The following ADGRL3 variants were observed in gnomAD, a reference collection of about 807,000 sequenced individuals.
ADGRL3 encodes adhesion G protein-coupled receptor L3.
Under a neutral mutation model 153.5 loss-of-function variants are expected in ADGRL3, and 62 were observed. That is an observed-to-expected ratio of 0.40 (90% confidence interval 0.33 to 0.50). The LOEUF (loss-of-function observed/expected upper bound fraction) is 0.50, where lower values mean the gene tolerates loss of function less well. ADGRL3 is among the 20% of genes least tolerant of loss of function. The pLI, the probability that ADGRL3 is intolerant of heterozygous loss-of-function variation, is 0.47. For missense variants in ADGRL3, 1,641 were observed against 1,859.4 expected (o/e 0.88, Z 2.16); for synonymous variants, 710 against 672.5 (o/e 1.06, Z -0.86).
At chr4:61,721,368 C>T (rs1358327791) in intron 6 of ADGRL3, among the ~76,000 whole-genome samples, 5 of 152,102 alleles carry the variant, frequency 3.3e-5, no homozygotes, top group Non-Finnish European at 7.4e-5. Context: ...GATGTAAGCC[C>T]AAGGGTCCAA....
chr4:61,865,182 AG>A (rs1318113611), intron 9 of ADGRL3, among the ~76,000 whole-genome samples: 1 of 152,216 alleles, frequency 6.6e-6, no homozygotes, highest in Non-Finnish European at 1.5e-5. Context: ...TGTGGACAAA[AG>A]AATTCTCTAA....
intron 17 of ADGRL3, among the ~76,000 whole-genome samples, chr4:61,955,202 T>C (rs746993359): frequency 8.5e-5 from 13 of 152,192 alleles, no homozygotes; most frequent in Non-Finnish European, 8.8e-5. Context: ...GAGGTCTGAA[T>C]AAGAAAATAC....
intron 5 of ADGRL3, among the ~76,000 whole-genome samples, chr4:61,596,677 A>T (rs771952917): frequency 1.3e-5 from 2 of 151,996 alleles, no homozygotes; most frequent in Non-Finnish European, 2.9e-5. Flanking sequence ...ACATGGTGAG[A>T]CCTCGTCTCT....
chr4:61,608,600 G>A (rs766297782), intron 5 of ADGRL3, among the ~76,000 whole-genome samples: 2 of 152,040 alleles, frequency 1.3e-5, no homozygotes, highest in Non-Finnish European at 2.9e-5. Context: ...TGACCTTTCT[G>A]CATATTTTAC....
chr4:61,676,351 C>T (rs1424134924), intron 5 of ADGRL3, among the ~76,000 whole-genome samples: 2 of 151,824 alleles, frequency 1.3e-5, no homozygotes, highest in African/African-American at 2.4e-5. Flanking sequence ...TTGTTAGGCT[C>T]AGATAAAGCT....
chr4:62,045,777 G>A (rs1317493367), intron 25 of ADGRL3, among the ~76,000 whole-genome samples: 1 of 151,928 alleles, frequency 6.6e-6, no homozygotes, highest in Non-Finnish European at 1.5e-5. Context: ...GTCTTGATTA[G>A]TAAGAATAGT....
At chr4:61,247,361 T>C (rs1177200599) in intron 1 of ADGRL3, among the ~76,000 whole-genome samples, 1 of 152,102 alleles carries the variant, frequency 6.6e-6, no homozygotes, top group Non-Finnish European at 1.5e-5. Context: ...ATATATGTGA[T>C]AATTCTTGTA....
chr4:61,986,980 G>A (rs1010520946), intron 19 of ADGRL3, among the ~76,000 whole-genome samples: 1 of 151,988 alleles, frequency 6.6e-6, no homozygotes, highest in Non-Finnish European at 1.5e-5. Flanking sequence ...GCTTAATCAA[G>A]ACATCACAGT....
At chr4:61,464,425 C>T (rs546829283) in intron 2 of ADGRL3, among the ~76,000 whole-genome samples, 1 of 152,230 alleles carries the variant, frequency 6.6e-6, no homozygotes, top group African/African-American at 2.4e-5. Flanking sequence ...ATCAGGCTCC[C>T]TCAATTGACC....
intron 17 of ADGRL3, among the ~76,000 whole-genome samples, chr4:61,972,798 T>C (rs1049187535): frequency 6.6e-6 from 1 of 152,176 alleles, no homozygotes; most frequent in African/African-American, 2.4e-5. Flanking sequence ...GAGCATGGAA[T>C]GTTCTTCCAT....
intron 5 of ADGRL3, among the ~76,000 whole-genome samples, chr4:61,656,175 C>T (rs1222547710): frequency 6.6e-6 from 1 of 152,182 alleles, no homozygotes; most frequent in African/African-American, 2.4e-5. Flanking sequence ...GACAATAACA[C>T]ATATTTTATG....
At chr4:61,361,739 AAG>A (rs2096285022) in intron 1 of ADGRL3, among the ~76,000 whole-genome samples, 1 of 152,186 alleles carries the variant, frequency 6.6e-6, no homozygotes, top group Non-Finnish European at 1.5e-5. Context: ...ACTTGAAAGA[AAG>A]AGAATAGGAG....
chr4:61,961,268 T>C (rs2098986761), intron 17 of ADGRL3, among the ~76,000 whole-genome samples: 1 of 152,162 alleles, frequency 6.6e-6, no homozygotes, highest in Non-Finnish European at 1.5e-5. Flanking sequence ...TTGCTTTCCC[T>C]CCTTCTGTGC....
chr4:61,619,936 C>T (rs2092377423), intron 5 of ADGRL3, among the ~76,000 whole-genome samples: 1 of 152,118 alleles, frequency 6.6e-6, no homozygotes, highest in Admixed American at 6.6e-5. Flanking sequence ...AAAATTTCAT[C>T]TGTGTCAAGT....
intron 4 of ADGRL3, among the ~76,000 whole-genome samples, chr4:61,520,619 A>C (rs2098524076): frequency 7.6e-6 from 1 of 130,814 alleles, no homozygotes; most frequent in African/African-American, 2.8e-5. Context: ...CTTGGGTTTT[A>C]ATATTTATAG....
chr4:61,386,033 G>T (rs2096732177), intron 2 of ADGRL3, among the ~76,000 whole-genome samples: 1 of 152,136 alleles, frequency 6.6e-6, no homozygotes, highest in Non-Finnish European at 1.5e-5. Flanking sequence ...CTGGGATTTT[G>T]ATGGTGGTGG....
intron 9 of ADGRL3, among the ~76,000 whole-genome samples, chr4:61,817,765 C>A (rs562030167): frequency 2.9e-4 from 44 of 152,248 alleles, no homozygotes; most frequent in African/African-American, 1.1e-3. Context: ...TATGTGGTAG[C>A]AGACAAGAGA....
intron 9 of ADGRL3, among the ~76,000 whole-genome samples, chr4:61,838,816 G>A (rs1037767482): frequency 6.6e-6 from 1 of 152,158 alleles, no homozygotes; most frequent in African/African-American, 2.4e-5. Flanking sequence ...GGAGGGAAGA[G>A]AGTTGGCTTA....
intron 3 of ADGRL3, among the ~76,000 whole-genome samples, chr4:61,502,222 G>A (rs1462175265): frequency 1.3e-5 from 2 of 152,090 alleles, no homozygotes; most frequent in Non-Finnish European, 2.9e-5. Flanking sequence ...CCTTGGGCTG[G>A]GAGATCTGTT....
Sources: gnomAD v4.1 joint callset for allele counts (sites outside exome capture counted in the v4.1 genomes callset) on GRCh38, gnomAD v4.1.1 for gene constraint, MANE v1.5 for transcripts, NCBI Gene and HGNC (gene_info 2026-07-23, HGNC 2026-07-21) for gene names.